The following BRAF variants were observed in gnomAD, a reference collection of about 807,000 sequenced individuals.
BRAF encodes the protein serine/threonine-protein kinase B-raf.
BRAF carries 16 observed loss-of-function variants against 104.6 expected under a neutral mutation model. That is an observed-to-expected ratio of 0.15 (90% CI 0.10 to 0.23). The LOEUF (loss-of-function observed/expected upper bound fraction) is 0.23, where lower values mean the gene tolerates loss of function less well. BRAF is among the 10% of genes least tolerant of loss of function. The pLI is 1.00. For missense variants in BRAF, 541 were observed against 937.3 expected (o/e 0.58, Z 5.52); for synonymous variants, 310 against 341.6 (o/e 0.91, Z 1.02).
At chr7:140,892,551 C>G (rs952288643) in intron 1 of BRAF, among the ~76,000 whole-genome samples, 1 of 152,162 alleles carries the variant, frequency 6.6e-6, no homozygotes, top group Non-Finnish European at 1.5e-5. Context: ...ACTATGGAAC[C>G]TATCTTTGGG....
At position 140,924,587 on chromosome 7, in the gene BRAF, C is replaced by A; in HGVS notation, c.117G>T (p.Ala39=). ...AGAGAAASSA[A]DPAIPEEVWN... is the part of the protein sequence containing the mutation. ...TCACCTCCTCCGGAATGGCAGGGTC[C>A]GCAGCCGAAGAGGCCGCGGCGCCGG... is the stretch of plus-strand genomic sequence containing the variant. Residue 39 remains alanine (A), a synonymous_variant, in exon 1 of 20, where the codon GCG becomes GCT. Coordinates refer to ENST00000644969, the MANE Select transcript of BRAF (RefSeq NM_001374258.1). The surrounding 1 kb of genome is among the most constrained non-coding windows in gnomAD (Gnocchi z 4.2). The A allele has an allele frequency of 6.5e-7, 1 of 1,531,042 alleles. No homozygotes were observed. The highest frequency in any genetic ancestry group is 8.7e-7 in the Non-Finnish European group (1 of 1,145,096). 94.8% of individuals were successfully genotyped at this position (1,531,042 alleles called of 1,614,324 possible). A position where few individuals can be genotyped will look rare whatever the true frequency, so the allele number is the denominator to read the frequency against.
At chr7:140,732,862 T>C (rs1251025997) in intron 19 of BRAF, 1 of 152,236 alleles carries the variant, frequency 6.6e-6, no homozygotes, top group Non-Finnish European at 1.5e-5. Flanking sequence ...AAGTCAATTT[T>C]GTAAAAACTT....
Position 140,721,875 on chromosome 7 carries a change from A to G in BRAF, c.*4619T>C, listed in dbSNP as rs1039305801. On this transcript the variant is annotated 3_prime_UTR_variant, in exon 20 of 20. Transcript: ENST00000644969. ...CGCTTTGGGACAGGATGACTAACGC[A>G]GTCCAGCTTCATGTGCAATCAAGTC... 3.1e-6 allele frequency: 4 copies of G among 1,270,986 alleles called. No homozygotes were observed. In the African/African-American group the frequency reaches 6.2e-5, roughly 20 times the overall value. The allele number at this position is 1,270,986 out of a possible 1,614,324, so 78.7% of individuals were successfully genotyped here. A position where few individuals can be genotyped will look rare whatever the true frequency, so the allele number is the denominator to read the frequency against.
chr7:140,716,928 A>T (rs142690247), downstream of BRAF, among the ~76,000 whole-genome samples: 349 of 152,298 alleles, frequency 2.3e-3, 1 homozygote, highest in Non-Finnish European at 3.6e-3. Context: ...ATGGTGGGAA[A>T]CACCAACGTG....
At chr7:140,901,829 A>C (rs915342695) in intron 1 of BRAF, among the ~76,000 whole-genome samples, 1 of 152,230 alleles carries the variant, frequency 6.6e-6, no homozygotes, top group South Asian at 2.1e-4. Context: ...TCTGGGGCAC[A>C]CTTTCATCAC....
chr7:140,761,552 C>A (rs9769289), intron 14 of BRAF, among the ~76,000 whole-genome samples: 1 of 151,630 alleles, frequency 6.6e-6, no homozygotes, highest in Non-Finnish European at 1.5e-5. Context: ...TAACTTTAAA[C>A]GTAAATGGAC....
intron 3 of BRAF, among the ~76,000 whole-genome samples, chr7:140,831,379 A>T (rs1806727790): frequency 6.6e-6 from 1 of 152,164 alleles, no homozygotes; most frequent in Non-Finnish European, 1.5e-5. Flanking sequence ...ATTAACGTTT[A>T]CTTTTTACCC....
chr7:140,770,158 A>T (rs977985470), intron 14 of BRAF, among the ~76,000 whole-genome samples: 14 of 152,136 alleles, frequency 9.2e-5, no homozygotes, highest in African/African-American at 3.4e-4. Context: ...TATTATTATT[A>T]TCAGCACCCT....
chr7:140,863,468 T>A (rs969585768), intron 1 of BRAF, among the ~76,000 whole-genome samples: 2 of 152,204 alleles, frequency 1.3e-5, no homozygotes, highest in Non-Finnish European at 2.9e-5. Context: ...CTAAGAGCAA[T>A]GAGAATCTAA....
intron 19 of BRAF, chr7:140,733,910 C>A (rs1192116505): frequency 5.1e-6 from 4 of 782,870 alleles, no homozygotes; most frequent in Non-Finnish European, 6.3e-6. Context: ...AAAAGAAACT[C>A]CAATTTATAA....
intron 2 of BRAF, among the ~76,000 whole-genome samples, chr7:140,842,424 T>C (rs1027627076): frequency 6.6e-6 from 1 of 152,234 alleles, no homozygotes; most frequent in East Asian, 1.9e-4. Flanking sequence ...GAGCTGTTAC[T>C]GTCTTCATCA....
chr7:140,749,211 G>A (rs1797588688), intron 17 of BRAF, 76 bp downstream of exon 16: 4 of 1,587,590 alleles, frequency 2.5e-6, no homozygotes, highest in Non-Finnish European at 3.4e-6. Flanking sequence ...TTACCCAGGA[G>A]TTAACACTTA....
At chr7:140,746,416 G>A (rs928341019) in intron 17 of BRAF, among the ~76,000 whole-genome samples, 9 of 152,042 alleles carry the variant, frequency 5.9e-5, no homozygotes, top group African/African-American at 1.7e-4. Flanking sequence ...GTGCTAGGGT[G>A]AATAAAGGTA....
rs887349929 is a variant in BRAF at position 140,775,168 on chromosome 7, A to G, written c.1814+1744T>C. Among the ~76,000 whole-genome samples, 4 of 152,228 alleles carry G rather than the reference A, an allele frequency of 2.6e-5. No individual in the cohort carries two copies. In the South Asian group the frequency reaches 8.3e-4, roughly 32 times the overall value. On this transcript the variant is annotated intron_variant, in intron 14 of 19. Transcript: ENST00000644969. ...GGGACATATGAACCGAGACACAAGG[A>G]TATTTGTGGCATGTGTATCCTAAAG...
At chr7:140,867,555 G>A (rs1811105272) in intron 1 of BRAF, among the ~76,000 whole-genome samples, 1 of 151,890 alleles carries the variant, frequency 6.6e-6, no homozygotes. Flanking sequence ...AATGTCAGAT[G>A]GTCATAAAAA....
Position 140,726,244 on chromosome 7 carries a change from T to C in BRAF, c.*250A>G. 7.5e-7 allele frequency: 1 copy of C among 1,329,550 alleles called. No homozygotes were observed. Among genetic ancestry groups the C allele is most frequent in the Non-Finnish European group, 9.6e-7 (1 of 1,043,768 alleles). 82.4% of individuals were successfully genotyped at this position (1,329,550 alleles called of 1,614,324 possible). A position where few individuals can be genotyped will look rare whatever the true frequency, so the allele number is the denominator to read the frequency against. On this transcript the variant is annotated 3_prime_UTR_variant, in exon 20 of 20. Transcript: ENST00000644969. ...ATTCAGGGTCTCTCCTCTTTCTTCCTGGGACTGGGCAGACTTGTATGCTCG... is the reference window on the plus strand; with the variant it reads ...ATTCAGGGTCTCTCCTCTTTCTTCCCGGGACTGGGCAGACTTGTATGCTCG...
intron 14 of BRAF, among the ~76,000 whole-genome samples, chr7:140,769,464 G>A (rs1057110620): frequency 2.0e-5 from 3 of 152,062 alleles, no homozygotes; most frequent in Non-Finnish European, 4.4e-5. Flanking sequence ...CCTTATTTCA[G>A]TACTTTTACA....
At chr7:140,892,061 G>C (rs1350145824) in intron 1 of BRAF, among the ~76,000 whole-genome samples, 1 of 152,104 alleles carries the variant, frequency 6.6e-6, no homozygotes, top group Non-Finnish European at 1.5e-5. Flanking sequence ...TTCAAGACCA[G>C]CCTGGCCAAC....
chr7:140,809,912 A>G (rs1389663021), intron 3 of BRAF, among the ~76,000 whole-genome samples: 3 of 142,770 alleles, frequency 2.1e-5, no homozygotes, highest in Non-Finnish European at 4.5e-5. Flanking sequence ...AAAGTTATCT[A>G]TCTTTAGCCT....
Sources: gnomAD v4.1 joint callset for allele counts (sites outside exome capture counted in the v4.1 genomes callset) on GRCh38, gnomAD v4.1.1 for gene constraint, Gnocchi (gnomAD v3.1) non-coding constraint, MANE v1.5 for transcripts, NCBI Gene and HGNC (gene_info 2026-07-23, HGNC 2026-07-21) for gene names.